The following RTL4 variants were observed in gnomAD, a reference collection of about 807,000 sequenced individuals.
The protein encoded by RTL4 is retrotransposon Gag-like protein 4.
A neutral mutation model predicts 5.3 loss-of-function variants in RTL4; 4 were observed. That is an observed-to-expected ratio of 0.75 (90% CI 0.37 to 1.72). The LOEUF (loss-of-function observed/expected upper bound fraction) is 1.72, where lower values mean the gene tolerates loss of function less well. Ranked by LOEUF, RTL4 falls within the 40% of genes most tolerant of loss-of-function variation. The probability of loss-of-function intolerance (pLI) is 0.04; values close to 1 mark genes in which losing one functional copy is unlikely to be tolerated. For missense variants in RTL4, 260 were observed against 227.1 expected (o/e 1.14, Z -0.93); for synonymous variants, 98 against 87.3 (o/e 1.12, Z -0.68).
the RTL4 span, among the ~76,000 whole-genome samples, chrX:112,098,349 T>C: frequency 9.0e-6 from 1 of 111,311 alleles, no homozygotes; most frequent in Non-Finnish European, 1.9e-5. Flanking sequence ...TTTCTTAATC[T>C]AGTCTATCAT....
the RTL4 span, among the ~76,000 whole-genome samples, chrX:112,251,360 T>A: frequency 1.8e-5 from 2 of 112,056 alleles, no homozygotes; most frequent in Non-Finnish European, 3.8e-5. Flanking sequence ...CCTATTGTTT[T>A]CATCCCTCTC....
the RTL4 span, among the ~76,000 whole-genome samples, chrX:112,315,056 C>T: frequency 3.6e-5 from 4 of 111,430 alleles, no homozygotes; most frequent in African/African-American, 9.8e-5. Context: ...TATATAATGG[C>T]GGTCCTTACA....
chrX:112,393,161 G>C, the RTL4 span, among the ~76,000 whole-genome samples: 3 of 71,302 alleles, frequency 4.2e-5, no homozygotes, highest in East Asian at 8.2e-4. Flanking sequence ...TTTTTTTTTT[G>C]TTTTTTTTTT....
the RTL4 span, among the ~76,000 whole-genome samples, chrX:112,282,699 G>A: frequency 9.0e-6 from 1 of 111,335 alleles, no homozygotes; most frequent in Non-Finnish European, 1.9e-5. Flanking sequence ...CAGTGCACAG[G>A]TCTTTTATCT....
chrX:112,308,519 A>G, the RTL4 span, among the ~76,000 whole-genome samples: 1 of 111,488 alleles, frequency 9.0e-6, no homozygotes, highest in Non-Finnish European at 1.9e-5. Flanking sequence ...GGATAAAAGG[A>G]TGGTAGTCAG....
the RTL4 span, among the ~76,000 whole-genome samples, chrX:112,242,508 G>A: frequency 6.3e-5 from 7 of 111,337 alleles, no homozygotes; most frequent in Non-Finnish European, 1.3e-4. Flanking sequence ...GTCTGTTATT[G>A]GTGTATAAGA....
chrX:112,266,140 T>G, the RTL4 span, among the ~76,000 whole-genome samples: 1 of 110,215 alleles, frequency 9.1e-6, no homozygotes, highest in African/African-American at 3.3e-5. Context: ...ATTGGGAACA[T>G]GAAAAAGACA....
the RTL4 span, among the ~76,000 whole-genome samples, chrX:112,087,318 T>A: frequency 9.2e-6 from 1 of 108,741 alleles, no homozygotes; most frequent in Non-Finnish European, 1.9e-5. Flanking sequence ...CAGGAGTAGA[T>A]TGGTCTTCAG....
At chrX:112,127,007 A>T in the RTL4 span, among the ~76,000 whole-genome samples, 1 of 112,232 alleles carries the variant, frequency 8.9e-6, no homozygotes, top group African/African-American at 3.2e-5. Context: ...AAGAAAAATT[A>T]ACACCAATCC....
At chrX:112,108,577 G>A in the RTL4 span, among the ~76,000 whole-genome samples, 88 of 111,207 alleles carry the variant, frequency 7.9e-4, 2 homozygotes, top group Non-Finnish European at 2.1e-4. Context: ...GCCTGGAACT[G>A]GACCTACTCG....
the RTL4 span, among the ~76,000 whole-genome samples, chrX:112,379,275 C>T: frequency 8.9e-6 from 1 of 111,732 alleles, no homozygotes; most frequent in African/African-American, 3.3e-5. Flanking sequence ...GTAGTATACA[C>T]TCTAAATCAA....
the RTL4 span, among the ~76,000 whole-genome samples, chrX:112,148,959 C>T: frequency 9.0e-6 from 1 of 111,600 alleles, no homozygotes; most frequent in East Asian, 2.8e-4. Flanking sequence ...TTAATGGTGC[C>T]TCTAAGGACA....
chrX:112,172,107 A>G, the RTL4 span, among the ~76,000 whole-genome samples: 1,927 of 112,420 alleles, frequency 0.017, 35 homozygotes, highest in African/African-American at 0.058. Flanking sequence ...GCCGAGGCAG[A>G]TCACTTGAGG....
At chrX:112,137,671 A>T in the RTL4 span, among the ~76,000 whole-genome samples, 2 of 111,686 alleles carry the variant, frequency 1.8e-5, no homozygotes, top group Admixed American at 9.5e-5. Flanking sequence ...CGTGGGGATT[A>T]CAATTTGAGA....
chrX:112,274,043 G>C, the RTL4 span, among the ~76,000 whole-genome samples: 1 of 111,806 alleles, frequency 8.9e-6, no homozygotes. Flanking sequence ...TTTATAGAAA[G>C]GCAAATTGAG....
At chrX:112,221,035 C>T in the RTL4 span, among the ~76,000 whole-genome samples, 1 of 111,711 alleles carries the variant, frequency 9.0e-6, no homozygotes, top group Non-Finnish European at 1.9e-5. Context: ...TTTATTAGTC[C>T]ATTCTCACAC....
the RTL4 span, among the ~76,000 whole-genome samples, chrX:112,294,962 C>T: frequency 8.9e-6 from 1 of 112,390 alleles, no homozygotes; most frequent in Non-Finnish European, 1.9e-5. Context: ...ACTGAGCAGA[C>T]TCTGGTTTGA....
the RTL4 span, among the ~76,000 whole-genome samples, chrX:112,236,446 T>TATATAG: frequency 1.3e-5 from 1 of 78,749 alleles, no homozygotes; most frequent in Non-Finnish European, 2.3e-5. Context: ...TCTATATCTA[T>TATATAG]ATATAGATAT....
At chrX:112,324,112 G>A in the RTL4 span, among the ~76,000 whole-genome samples, 1 of 112,125 alleles carries the variant, frequency 8.9e-6, no homozygotes, top group South Asian at 3.7e-4. Flanking sequence ...CACTCCAAGT[G>A]ATGGTAATCT....
Sources: allele counts gnomAD v4.1 joint callset (sites outside exome capture counted in the v4.1 genomes callset), GRCh38; gene constraint gnomAD v4.1.1; transcripts MANE v1.5; gene names NCBI Gene and HGNC (gene_info 2026-07-23, HGNC 2026-07-21).